Variants in CARMIL2 observed in about 807,000 individuals in gnomAD.
CARMIL2 encodes the protein capping protein, Arp2/3 and myosin-I linker protein 2.
In CARMIL2, 96 loss-of-function variants were observed where a neutral mutation model predicts 173.3. The observed-to-expected ratio is 0.55, with a 90% CI of 0.47 to 0.66. CARMIL2 has a LOEUF of 0.66. Ranked by LOEUF, CARMIL2 falls within the 30% of genes least tolerant of loss-of-function variation. The pLI is 0.00. For synonymous variants in CARMIL2, 830 were observed against 817.1 expected (o/e 1.02, Z -0.27); for missense variants, 1,771 against 1,906.7 (o/e 0.93, Z 1.33).
chr16:67,652,267 G>A lies in CARMIL2; in HGVS notation c.2745G>A (p.Glu915=). Residue 915 remains glutamate, a synonymous_variant, in exon 27 of 38, where the codon GAG becomes GAA. Coordinates refer to ENST00000334583, the MANE Select transcript of CARMIL2 (RefSeq NM_001013838.3). This position sits in a 1 kb window ranked among gnomAD's most constrained non-coding sequence, Gnocchi z 4.7. The part of the protein sequence containing the change: ...PPALPAPDGG[E]PSLLEPGELE... ...CCCTACCAGCACCGGATGGAGGTGA[G>A]CCCAGCCTCCTTGAGCCTGGGGAAT... 1 of 1,613,390 alleles carries A rather than the reference G, an allele frequency of 6.2e-7. No homozygotes were observed. Among genetic ancestry groups the A allele is most frequent in the East Asian group, 2.2e-5 (1 of 44,876 alleles).
In CARMIL2 at chr16:67,645,239, C is replaced by T; in HGVS notation, c.-8C>T. The T allele has an allele frequency of 1.3e-6, 2 of 1,589,652 alleles. No individual in the cohort carries two copies. Among genetic ancestry groups the T allele is most frequent in the East Asian group, 2.3e-5 (1 of 43,880 alleles). On this transcript the variant is annotated 5_prime_UTR_variant, in exon 1 of 38. Coordinates refer to ENST00000334583, the MANE Select transcript of CARMIL2 (RefSeq NM_001013838.3). ...GAGCTCGTTGGGCCTCCCCGGCCCGCCCGGCCCATGGCCCAGACCCCCGAC... is the reference window on the plus strand; with the variant it reads ...GAGCTCGTTGGGCCTCCCCGGCCCGTCCGGCCCATGGCCCAGACCCCCGAC...
rs541209694 is a variant in CARMIL2 at position 67,649,184 on chromosome 16, C to T, written c.1688+12C>T. On this transcript the variant is annotated intron_variant, in intron 18 of 37. Transcript: ENST00000334583. This position sits in a 1 kb window ranked among gnomAD's most constrained non-coding sequence, Gnocchi z 6.7. ...AACGTCCGGTGCAAGTGAGCCCCCA[C>T]CCTACTCCTGGGCCTCCCAGACAAC... is the stretch of plus-strand genomic sequence containing the variant. The T allele has an allele frequency of 3.7e-6, 6 of 1,613,152 alleles. No homozygotes were observed. The South Asian group carries it at 6.6e-5, about 18-fold the overall frequency.
Position 67,656,575 on chromosome 16 carries a change from C to T in CARMIL2, c.3966C>T (p.Pro1322=), listed in dbSNP as rs1214270141. ...CCTCCCCTGGTCAAAGCCCAAGTCC[C>T]TGCAGAACCAGCCCCTCCCCAGACA... ...GPPSPGQSPS[P]CRTSPSPDSL... is the part of the protein sequence containing the mutation. The change falls in exon 35 of 38, where the codon CCC becomes CCT. Residue 1322 remains proline, a synonymous_variant. Coordinates refer to ENST00000334583, the MANE Select transcript of CARMIL2 (RefSeq NM_001013838.3). The T allele has an allele frequency of 6.2e-7, 1 of 1,612,882 alleles. No individual in the cohort carries two copies. Among genetic ancestry groups the T allele is most frequent in the African/African-American group, 1.3e-5 (1 of 75,036 alleles).
chr16:67,647,632 G>A, intron 11 of CARMIL2, 30 bp downstream of exon 11: 2 of 1,603,116 alleles, frequency 1.2e-6, no homozygotes, highest in South Asian at 1.1e-5. Flanking sequence ...CCGCAGGGGT[G>A]GGCAGCAGGA....
At position 67,657,449 on chromosome 16, in the gene CARMIL2, GC is replaced by G; in HGVS notation, c.4242del (p.Ser1415ProfsTer34). 6.2e-7 allele frequency: 1 copy of G among 1,610,514 alleles called. No homozygotes were observed. The highest frequency in any genetic ancestry group is 8.5e-7 in the Non-Finnish European group (1 of 1,178,550). On this transcript the variant is annotated frameshift_variant, in exon 38 of 38. Coordinates refer to ENST00000334583, the MANE Select transcript of CARMIL2 (RefSeq NM_001013838.3). LOFTEE classifies it high-confidence loss of function. This position sits in a 1 kb window ranked among gnomAD's most constrained non-coding sequence, Gnocchi z 4.5. ...AGCCTCTGCCCCCACAGCCCACAGA[GC>G]CCTCCAGCCCTGAGCGGAGCCCACC... is the stretch of plus-strand genomic sequence containing the variant. The part of the protein sequence containing the change: ...TEPLPPQPTE[P>X]SSPERSPPSP...
rs2052765996 is a variant in CARMIL2 at position 67,653,277 on chromosome 16, G to A, written c.3120+23G>A. On this transcript the variant is annotated intron_variant, in intron 29 of 37. Transcript: ENST00000334583. This position sits in a 1 kb window ranked among gnomAD's most constrained non-coding sequence, Gnocchi z 7.4. ...CAGGTGAGCACCCTTCCCCCACTCC[G>A]GAGCGCGTGGAATTGGGGATCACGG... is the stretch of plus-strand genomic sequence containing the variant. 1.2e-5 allele frequency: 13 copies of A among 1,084,676 alleles called. No homozygotes were observed. The highest frequency in any genetic ancestry group is 5.4e-4 in the Middle Eastern group (2 of 3,688). 67.2% of individuals were successfully genotyped at this position (1,084,676 alleles called of 1,614,324 possible). A position where few individuals can be genotyped will look rare whatever the true frequency, so the allele number is the denominator to read the frequency against.
At chr16:67,645,871 C>G (rs956898125) in intron 3 of CARMIL2, 94 bp downstream of exon 3, 9 of 1,565,990 alleles carry the variant, frequency 5.7e-6, no homozygotes, top group Non-Finnish European at 7.9e-6. Flanking sequence ...CCTTGTGGGC[C>G]CTGACTTTGC....
chr16:67,653,251 C>A lies in CARMIL2; in HGVS notation c.3117C>A (p.Pro1039=). Residue 1039 remains proline (P), a synonymous_variant, in exon 29 of 38, where the codon CCC becomes CCA. Transcript: ENST00000334583. The surrounding 1 kb of genome is among the most constrained non-coding windows in gnomAD (Gnocchi z 7.4). ...ACCACCGCCCGCCGCCGGGGGGCCC[C>A]CAGGTGAGCACCCTTCCCCCACTCC... The part of the protein sequence containing the change: ...QHHHRPPPGG[P]QVPPALPQEG... 1 of 1,139,362 alleles carries A rather than the reference C, an allele frequency of 8.8e-7. No homozygotes were observed. Among genetic ancestry groups the A allele is most frequent in the South Asian group, 4.3e-5 (1 of 23,520 alleles). 70.6% of individuals were successfully genotyped at this position (1,139,362 alleles called of 1,614,324 possible).
At position 67,657,538 on chromosome 16, in the gene CARMIL2, A is replaced by C. The variant is rs1050247986; in HGVS notation, c.*20A>C. On this transcript the variant is annotated 3_prime_UTR_variant, in exon 38 of 38. Coordinates refer to ENST00000334583, the MANE Select transcript of CARMIL2 (RefSeq NM_001013838.3). This position sits in a 1 kb window ranked among gnomAD's most constrained non-coding sequence, Gnocchi z 4.5. ...CCCTGATCCTCTCCTCTCCTGCCGCATGAGATTATTTTATTAAAAAACTCA... is the reference window on the plus strand; with the variant it reads ...CCCTGATCCTCTCCTCTCCTGCCGCCTGAGATTATTTTATTAAAAAACTCA... The C allele has an allele frequency of 6.2e-7, 1 of 1,613,768 alleles. No homozygotes were observed. Among genetic ancestry groups the C allele is most frequent in the Non-Finnish European group, 8.5e-7 (1 of 1,179,758 alleles).
In CARMIL2 at chr16:67,654,693, G is replaced by A. The variant is rs1351897672; in HGVS notation, c.3582+1G>A. 1 of 1,596,666 alleles carries A rather than the reference G, an allele frequency of 6.3e-7. No individual in the cohort carries two copies. The highest frequency in any genetic ancestry group is 1.3e-5 in the African/African-American group (1 of 74,522). Reference sequence around the variant, plus strand: ...AACGCTGGGTGCCAGACCCGACAAGGTGAGGCTTGCTGATGGGGGGTGGTG... The same window carrying A: ...AACGCTGGGTGCCAGACCCGACAAGATGAGGCTTGCTGATGGGGGGTGGTG... On this transcript the variant is annotated splice_donor_variant, in intron 31 of 37. Coordinates refer to ENST00000334583, the MANE Select transcript of CARMIL2 (RefSeq NM_001013838.3). LOFTEE classifies it high-confidence loss of function.
rs748613858 is a variant in CARMIL2 at position 67,650,079 on chromosome 16, G to A, written c.2113G>A (p.Ala705Thr). The change falls in exon 22 of 38, where the codon GCA (alanine) becomes ACA (threonine). Residue 705 changes from alanine (A) to threonine (T), a missense_variant. Physicochemically the swap from Ala to Thr is moderately conservative, Grantham distance 58. Around this residue, in one of 3 missense-constraint regions of CARMIL2, gnomAD observed 944 missense variants for 975.6 expected, o/e 0.97. Transcript: ENST00000334583. Reference protein sequence around the residue: ...IQACLLRNNRADPASSDHTTR... With the variant: ...IQACLLRNNRTDPASSDHTTR... ...AGCCTGTCTCTTGAGGAACAACCGC[G>A]CAGACCCTGCCTCTTCTGACCACAC... The A allele has an allele frequency of 1.2e-5, 19 of 1,613,550 alleles. No individual in the cohort carries two copies. The highest frequency in any genetic ancestry group is 6.7e-5 in the Admixed American group (4 of 59,978).
In CARMIL2 at chr16:67,652,073, T is replaced by C; in HGVS notation, c.2676+65T>C. On this transcript the variant is annotated intron_variant, in intron 26 of 37. Transcript: ENST00000334583. This position sits in a 1 kb window ranked among gnomAD's most constrained non-coding sequence, Gnocchi z 4.7. The stretch of plus-strand genomic sequence containing the variant: ...ACATGCAGTGACTTGGCCATCTCCC[T>C]TGCAGGGGCTCTGTAATGTCTTCTG... 1 of 1,604,530 alleles carries C rather than the reference T, an allele frequency of 6.2e-7. No individual in the cohort carries two copies. The highest frequency in any genetic ancestry group is 1.1e-5 in the South Asian group (1 of 90,872).
intron 9 of CARMIL2, 49 bp downstream of exon 9, chr16:67,647,240 G>C: frequency 6.2e-7 from 1 of 1,611,922 alleles, no homozygotes; most frequent in Non-Finnish European, 8.5e-7. Flanking sequence ...GTGTGGGCCA[G>C]GGTGCAGCCC....
chr16:67,649,687 G>A lies in CARMIL2; in HGVS notation c.1919+68G>A. On this transcript the variant is annotated intron_variant, in intron 20 of 37. Transcript: ENST00000334583. The surrounding 1 kb of genome is among the most constrained non-coding windows in gnomAD (Gnocchi z 6.7). The stretch of plus-strand genomic sequence containing the variant: ...GGTGGAGAGGAGGGCACCGGGCTAA[G>A]GGGAGGGACTGAATGAGGCGGAGCA... The A allele has an allele frequency of 1.9e-6, 3 of 1,560,488 alleles. No homozygotes were observed. Among genetic ancestry groups the A allele is most frequent in the Non-Finnish European group, 2.6e-6 (3 of 1,155,446 alleles).
rs954109165 is a variant in CARMIL2, at chr16:67,649,931, G to A, written c.2045G>A (p.Arg682His). 5.6e-6 allele frequency: 9 copies of A among 1,613,172 alleles called. No individual in the cohort carries two copies. Among genetic ancestry groups the A allele is most frequent in the East Asian group, 2.2e-5 (1 of 44,882 alleles). Residue 682 changes from arginine to histidine, a missense_variant, in exon 21 of 38, where the codon CGC becomes CAC. This residue lies in a region of CARMIL2 where 944 missense variants were observed against 975.6 expected (regional missense o/e 0.97). Transcript: ENST00000334583. The surrounding 1 kb of genome is among the most constrained non-coding windows in gnomAD (Gnocchi z 6.7). Reference protein sequence around the residue: ...LPLNDVAQAQRSRPELTARAV... With the variant: ...LPLNDVAQAQHSRPELTARAV... ...CTGAACGACGTGGCCCAGGCGCAGC[G>A]CAGCCGCCCGGAACTGACAGCACGT... is the stretch of plus-strand genomic sequence containing the variant.
At chr16:67,650,338 C>A in intron 22 of CARMIL2, 188 bp downstream of exon 22, 1 of 596,262 alleles carries the variant, frequency 1.7e-6, no homozygotes, top group Non-Finnish European at 3.0e-6. Context: ...CAAATAACAC[C>A]CTTGGCTGCC....
intron 36 of CARMIL2, 72 bp downstream of exon 36, chr16:67,656,953 AT>A: frequency 7.9e-7 from 1 of 1,268,656 alleles, no homozygotes; most frequent in Non-Finnish European, 1.1e-6. Context: ...GGCTCCCTTC[AT>A]AGCTTTGGTC....
chr16:67,650,490 T>C, intron 22 of CARMIL2: 1 of 371,796 alleles, frequency 2.7e-6, no homozygotes, highest in Non-Finnish European at 5.0e-6. Flanking sequence ...CAAACCCAGC[T>C]GCTCCTTCAC....
chr16:67,653,253 A>T lies in CARMIL2; in HGVS notation c.3119A>T (p.Gln1040Leu). ...HHHRPPPGGP[Q>L]VPPALPQEGN... is the part of the protein sequence containing the mutation. ...CACCGCCCGCCGCCGGGGGGCCCCC[A>T]GGTGAGCACCCTTCCCCCACTCCGG... Residue 1040 changes from glutamine to leucine, a missense_variant and splice_region_variant, in exon 29 of 38, where the codon CAG becomes CTG. Physicochemically the swap from Gln to Leu is moderately radical, Grantham distance 113. This residue lies in a region of CARMIL2 where 817 missense variants were observed against 903.5 expected (regional missense o/e 0.90). Transcript: ENST00000334583. The surrounding 1 kb of genome is among the most constrained non-coding windows in gnomAD (Gnocchi z 7.4). 1.8e-6 allele frequency: 2 copies of T among 1,130,568 alleles called. No homozygotes were observed. Among genetic ancestry groups the T allele is most frequent in the Non-Finnish European group, 1.1e-6 (1 of 921,084 alleles). 70.0% of individuals were successfully genotyped at this position (1,130,568 alleles called of 1,614,324 possible). A position where few individuals can be genotyped will look rare whatever the true frequency, so the allele number is the denominator to read the frequency against.
Sources: gnomAD v4.1 joint callset for allele counts on GRCh38, gnomAD v4.1.1 for gene constraint, gnomAD v4.1.1 regional missense constraint, Gnocchi (gnomAD v3.1) non-coding constraint, MANE v1.5 for transcripts, NCBI Gene and HGNC (gene_info 2026-07-23, HGNC 2026-07-21) for gene names.